Variants in MTX2 observed in about 807,000 individuals in gnomAD.
MTX2 encodes the protein metaxin-2.
In MTX2, 35 loss-of-function variants were observed where a neutral mutation model predicts 42.3. That is an observed-to-expected ratio of 0.83 (90% confidence interval 0.63 to 1.10). MTX2 has a LOEUF of 1.10. Among genes scored for constraint, MTX2 ranks in the 50% least tolerant of loss-of-function variants. MTX2 has a pLI of 0.00. For missense variants in MTX2, 307 were observed against 304.1 expected (o/e 1.01, Z -0.07); for synonymous variants, 119 against 100.9 (o/e 1.18, Z -1.08).
At chr2:176,325,292 C>T (rs1172209619) in intron 4 of MTX2, among the ~76,000 whole-genome samples, 2 of 151,652 alleles carry the variant, frequency 1.3e-5, no homozygotes, top group East Asian at 3.9e-4. Context: ...CTTTGATTCG[C>T]ACCAGAAAAT....
intron 9 of MTX2, among the ~76,000 whole-genome samples, chr2:176,335,092 A>G (rs1174463051): frequency 6.6e-6 from 1 of 152,084 alleles, no homozygotes; most frequent in Non-Finnish European, 1.5e-5. Context: ...GAATTAAAAA[A>G]GGACCACATG....
intron 1 of MTX2, among the ~76,000 whole-genome samples, chr2:176,284,785 G>A (rs1693156501): frequency 1.3e-5 from 2 of 152,150 alleles, no homozygotes; most frequent in Non-Finnish European, 2.9e-5. Context: ...TGAGCTAAAT[G>A]AATGAAAGAT....
intron 1 of MTX2, chr2:176,270,085 G>GT (rs1692763651): frequency 3.1e-6 from 1 of 317,882 alleles, no homozygotes; most frequent in African/African-American, 2.1e-5. Context: ...CTAATCAGTT[G>GT]TTACCTATTG....
chr2:176,327,679 T>TA (rs1295147670), intron 5 of MTX2, among the ~76,000 whole-genome samples: 1 of 150,520 alleles, frequency 6.6e-6, no homozygotes, highest in Non-Finnish European at 1.5e-5. Context: ...TTTTTGTTTT[T>TA]ATAGAGTACT....
intron 3 of MTX2, among the ~76,000 whole-genome samples, chr2:176,301,380 C>G (rs1216550052): frequency 1.3e-5 from 2 of 152,106 alleles, no homozygotes; most frequent in African/African-American, 4.8e-5. Context: ...TTGAGTGCCA[C>G]CTGTGCTTGT....
At chr2:176,335,024 G>T (rs1192950553) in intron 9 of MTX2, among the ~76,000 whole-genome samples, 3 of 148,120 alleles carry the variant, frequency 2.0e-5, no homozygotes, top group Non-Finnish European at 1.5e-5. Context: ...GGACTTTCTG[G>T]TAGAGGAGAT....
chr2:176,322,425 G>T (rs1352320636), intron 3 of MTX2, among the ~76,000 whole-genome samples: 1 of 151,914 alleles, frequency 6.6e-6, no homozygotes, highest in Non-Finnish European at 1.5e-5. Flanking sequence ...TAGACAAAAG[G>T]TTTGTCTTCC....
In MTX2 at chr2:176,337,715, A is replaced by T; in HGVS notation, c.*51A>T. On this transcript the variant is annotated 3_prime_UTR_variant, in exon 10 of 10. Coordinates refer to ENST00000249442, the MANE Select transcript of MTX2 (RefSeq NM_006554.5). ...TAACTTTTGAAATATGTTTTACTTG[A>T]ATGTTACATTAGATATTGGTGTCAG... 3.4e-6 allele frequency: 5 copies of T among 1,452,326 alleles called. No individual in the cohort carries two copies. The highest frequency in any genetic ancestry group is 4.6e-6 in the Non-Finnish European group (5 of 1,088,408). The allele number at this position is 1,452,326 out of a possible 1,614,324, so 90.0% of individuals were successfully genotyped here. A position where few individuals can be genotyped will look rare whatever the true frequency, so the allele number is the denominator to read the frequency against.
intron 3 of MTX2, 74 bp from the exon 4 acceptor site, chr2:176,323,315 AAAG>A (rs1684628293): frequency 1.6e-6 from 2 of 1,214,684 alleles, no homozygotes; most frequent in African/African-American, 3.0e-5. Context: ...TCAGTTTAGA[AAAG>A]AAATGCATAC....
chr2:176,282,126 GTTTTTTTTTTTTT>G (rs71004264), intron 1 of MTX2, among the ~76,000 whole-genome samples: 11 of 26,426 alleles, frequency 4.2e-4, no homozygotes, highest in African/African-American at 8.2e-4. Context: ...AGTTACAGTA[GTTTTTTTTTTTTT>G]TTTTTTTTTT....
At position 176,269,481 on chromosome 2, in the gene MTX2, T is replaced by A; in HGVS notation, c.-149T>A. Reference sequence around the variant, plus strand: ...CTGGCGGTAACCTTGGGGGCCTCACTGCAGCCGCCGCTGCTGTTGGAGTGG... The same window carrying A: ...CTGGCGGTAACCTTGGGGGCCTCACAGCAGCCGCCGCTGCTGTTGGAGTGG... On this transcript the variant is annotated 5_prime_UTR_variant, in exon 1 of 10. Transcript: ENST00000249442. 2 of 883,514 alleles carry A rather than the reference T, an allele frequency of 2.3e-6. No homozygotes were observed. The highest frequency in any genetic ancestry group is 3.3e-6 in the Non-Finnish European group (2 of 614,296). 54.7% of individuals were successfully genotyped at this position (883,514 alleles called of 1,614,324 possible). A position where few individuals can be genotyped will look rare whatever the true frequency, so the allele number is the denominator to read the frequency against.
intron 4 of MTX2, among the ~76,000 whole-genome samples, chr2:176,325,396 A>G (rs1684685134): frequency 6.6e-6 from 1 of 151,640 alleles, no homozygotes; most frequent in Admixed American, 6.6e-5. Context: ...AGAAAACATT[A>G]TTCACTTCTA....
chr2:176,297,310 A>G (rs1398332193), intron 2 of MTX2, among the ~76,000 whole-genome samples: 2 of 152,156 alleles, frequency 1.3e-5, no homozygotes, highest in Non-Finnish European at 2.9e-5. Flanking sequence ...ATATATCATC[A>G]GATCACATTA....
At chr2:176,292,057 G>C (rs550741835) in intron 1 of MTX2, among the ~76,000 whole-genome samples, 1 of 152,304 alleles carries the variant, frequency 6.6e-6, no homozygotes, top group African/African-American at 2.4e-5. Flanking sequence ...TACTTTTGAT[G>C]TGGTGAGAAT....
intron 4 of MTX2, among the ~76,000 whole-genome samples, chr2:176,323,816 T>C (rs1277783666): frequency 2.6e-5 from 4 of 151,744 alleles, no homozygotes; most frequent in Non-Finnish European, 4.4e-5. Flanking sequence ...AATGAATCCA[T>C]TTATTATTCC....
intron 8 of MTX2, 27 bp from the exon 9 acceptor site, chr2:176,330,557 T>C: frequency 1.3e-6 from 2 of 1,492,786 alleles, no homozygotes; most frequent in South Asian, 1.4e-5. Flanking sequence ...TGAAATACTT[T>C]TCCTTGGGGT....
rs116777238 is a variant in MTX2 at position 176,291,725 on chromosome 2, G to A, written c.41-5135G>A. Among the ~76,000 whole-genome samples, 835 of 152,180 alleles carry A rather than the reference G, an allele frequency of 5.5e-3. 4 individuals are homozygous for A. The highest frequency in any genetic ancestry group is 0.019 in the African/African-American group (784 of 41,544). Reference sequence around the variant, plus strand: ...GGGCCCTTCCAAGTGCAGACCTTATGCAACTGCACAGGTTACACGCTCGTG... The same window carrying A: ...GGGCCCTTCCAAGTGCAGACCTTATACAACTGCACAGGTTACACGCTCGTG... On this transcript the variant is annotated intron_variant, in intron 1 of 9. Transcript: ENST00000249442.
chr2:176,295,131 T>C (rs1683828261), intron 1 of MTX2, among the ~76,000 whole-genome samples: 1 of 152,192 alleles, frequency 6.6e-6, no homozygotes, highest in Admixed American at 6.5e-5. Flanking sequence ...GGTACACAGA[T>C]GCATATGACA....
At chr2:176,281,184 G>C (rs1309359070) in intron 1 of MTX2, among the ~76,000 whole-genome samples, 1 of 152,150 alleles carries the variant, frequency 6.6e-6, no homozygotes, top group Non-Finnish European at 1.5e-5. Context: ...AATGTAAGGT[G>C]GGGTCTTTTT....
Sources: allele counts gnomAD v4.1 joint callset (sites outside exome capture counted in the v4.1 genomes callset), GRCh38; gene constraint gnomAD v4.1.1; transcripts MANE v1.5; gene names NCBI Gene and HGNC (gene_info 2026-07-23, HGNC 2026-07-21).